The following CDH18 variants were observed in gnomAD, a reference collection of about 807,000 sequenced individuals.
The protein encoded by CDH18 is cadherin 18, also known as cadherin-18.
In CDH18, 31 loss-of-function variants were observed where a neutral mutation model predicts 67.9. The observed-to-expected ratio is 0.46, with a 90% CI of 0.34 to 0.62. The LOEUF is 0.62. Ranked by LOEUF, CDH18 falls within the 20% of genes least tolerant of loss-of-function variation. The pLI, the probability that CDH18 is intolerant of heterozygous loss-of-function variation, is 0.01. For missense variants in CDH18, 890 were observed against 975.5 expected (o/e 0.91, Z 1.17); for synonymous variants, 362 against 347.2 (o/e 1.04, Z -0.48).
intron 2 of CDH18, among the ~76,000 whole-genome samples, chr5:20,027,155 AATGTATGATTAAACACTTT>A (rs1436054265): frequency 6.6e-6 from 1 of 152,140 alleles, no homozygotes; most frequent in Non-Finnish European, 1.5e-5. Context: ...AAAAATCAAT[AATGTATGATTAAACACTTT>A]ATGTATGATT....
intron 5 of CDH18, among the ~76,000 whole-genome samples, chr5:19,692,856 CTACTA>C (rs1334080377): frequency 1.3e-5 from 2 of 151,450 alleles, no homozygotes; most frequent in East Asian, 3.9e-4. Context: ...AAAAATAAAA[CTACTA>C]TACTATCCAG....
intron 2 of CDH18, among the ~76,000 whole-genome samples, chr5:20,149,655 G>A (rs564682176): frequency 2.4e-4 from 36 of 152,194 alleles, no homozygotes; most frequent in African/African-American, 7.5e-4. Context: ...TGCAGTACTT[G>A]GTCATGCAGA....
At chr5:19,723,717 T>C (rs2150589509) in intron 4 of CDH18, among the ~76,000 whole-genome samples, 1 of 152,198 alleles carries the variant, frequency 6.6e-6, no homozygotes, top group Middle Eastern at 3.4e-3. Flanking sequence ...TTTATTTTAT[T>C]ATTATTATTT....
intron 2 of CDH18, among the ~76,000 whole-genome samples, chr5:19,907,767 ACAT>A (rs1306739170): frequency 2.0e-5 from 3 of 152,078 alleles, no homozygotes; most frequent in Non-Finnish European, 4.4e-5. Flanking sequence ...AAATATTATC[ACAT>A]CATTATATGT....
intron 3 of CDH18, among the ~76,000 whole-genome samples, chr5:19,799,161 T>C (rs1270790101): frequency 1.3e-5 from 2 of 151,984 alleles, no homozygotes; most frequent in African/African-American, 2.4e-5. Context: ...GAAGAGCAAA[T>C]ACTACATCAT....
At chr5:20,515,986 A>G (rs1439526521) in intron 1 of CDH18, among the ~76,000 whole-genome samples, 2 of 152,030 alleles carry the variant, frequency 1.3e-5, no homozygotes, top group Non-Finnish European at 2.9e-5. Context: ...AACGATTACA[A>G]TGTTCATTTC....
chr5:20,344,574 C>T (rs1225320398), intron 1 of CDH18, among the ~76,000 whole-genome samples: 1 of 151,932 alleles, frequency 6.6e-6, no homozygotes, highest in South Asian at 2.1e-4. Context: ...TAGGGGGCCT[C>T]AAAAGCACTA....
At chr5:20,289,920 A>G (rs1746980227) in intron 1 of CDH18, among the ~76,000 whole-genome samples, 1 of 152,024 alleles carries the variant, frequency 6.6e-6, no homozygotes, top group Non-Finnish European at 1.5e-5. Flanking sequence ...TCATAACCTA[A>G]TCGCTTAGTT....
At chr5:19,586,829 T>C in intron 7 of CDH18, among the ~76,000 whole-genome samples, 1 of 152,212 alleles carries the variant, frequency 6.6e-6, no homozygotes, top group East Asian at 1.9e-4. Context: ...CTACCAGCAG[T>C]GTAAAAGTGT....
chr5:19,965,760 G>GGTAGAAAGAGACAGGCA (rs1797368295), intron 2 of CDH18, among the ~76,000 whole-genome samples: 1 of 148,726 alleles, frequency 6.7e-6, no homozygotes, highest in Non-Finnish European at 1.5e-5. Context: ...AGAGAGAGGC[G>GGTAGAAAGAGACAGGCA]GGTAGAAAGA....
intron 2 of CDH18, among the ~76,000 whole-genome samples, chr5:20,012,944 A>G (rs1177898704): frequency 1.3e-5 from 2 of 152,088 alleles, no homozygotes; most frequent in East Asian, 3.9e-4. Context: ...AGGAAAAATA[A>G]CTAATGGATA....
chr5:19,687,145 G>C (rs960218435), intron 5 of CDH18, among the ~76,000 whole-genome samples: 2 of 152,142 alleles, frequency 1.3e-5, no homozygotes, highest in Non-Finnish European at 2.9e-5. Flanking sequence ...AGTTCCAGAC[G>C]TGGAGAGGTC....
intron 3 of CDH18, among the ~76,000 whole-genome samples, chr5:19,778,468 T>C (rs189231432): frequency 1.9e-3 from 286 of 152,310 alleles, no homozygotes; most frequent in African/African-American, 6.5e-3. Flanking sequence ...AAAAATACTA[T>C]ATGAACTTAT....
chr5:19,735,747 T>C (rs551348733), intron 4 of CDH18, among the ~76,000 whole-genome samples: 67 of 152,244 alleles, frequency 4.4e-4, no homozygotes, highest in African/African-American at 1.6e-3. Flanking sequence ...GTAAGAAAAA[T>C]AAATACAAGT....
rs1230650699 is a variant in CDH18, at chr5:19,520,641, G to A, written c.1512+16C>T. The A allele has an allele frequency of 1.2e-6, 2 of 1,600,292 alleles. No individual in the cohort carries two copies. Among genetic ancestry groups the A allele is most frequent in the African/African-American group, 2.7e-5 (2 of 73,916 alleles). ...TTATTCCATTCAAATGAGGAGGAAG[G>A]AAACAATTAACTTACCTGGCCAGGC... On this transcript the variant is annotated intron_variant, in intron 10 of 12. Coordinates refer to ENST00000382275, the MANE Select transcript of CDH18 (RefSeq NM_004934.5).
chr5:20,152,006 C>A (rs1751149704), intron 2 of CDH18, among the ~76,000 whole-genome samples: 1 of 150,168 alleles, frequency 6.7e-6, no homozygotes, highest in South Asian at 2.1e-4. Context: ...GTGTGTAGAA[C>A]TAGAAGTTCA....
At chr5:19,642,127 G>A (rs886517229) in intron 5 of CDH18, among the ~76,000 whole-genome samples, 4 of 151,838 alleles carry the variant, frequency 2.6e-5, no homozygotes. Flanking sequence ...TAAACTTGAA[G>A]AGGCAAAATA....
intron 2 of CDH18, among the ~76,000 whole-genome samples, chr5:19,861,857 A>G (rs1270061803): frequency 6.6e-6 from 1 of 152,192 alleles, no homozygotes; most frequent in Non-Finnish European, 1.5e-5. Flanking sequence ...AATATTCTAC[A>G]TGCAAAAATT....
chr5:19,710,741 C>T (rs765061537), intron 5 of CDH18, among the ~76,000 whole-genome samples: 11 of 151,916 alleles, frequency 7.2e-5, no homozygotes, highest in Non-Finnish European at 1.2e-4. Flanking sequence ...ATTTCTTCTA[C>T]AAAACTTTTA....
Sources: allele counts gnomAD v4.1 joint callset (sites outside exome capture counted in the v4.1 genomes callset), GRCh38; gene constraint gnomAD v4.1.1; transcripts MANE v1.5; gene names NCBI Gene and HGNC (gene_info 2026-07-23, HGNC 2026-07-21).